AKAP12: variants seen among roughly 807,000 people sequenced by gnomAD.
AKAP12 encodes A-kinase anchor protein 12.
In AKAP12, 32 loss-of-function variants were observed where a neutral mutation model predicts 79.9. The ratio of observed to expected loss-of-function variants is 0.40; its 90% CI spans 0.30 to 0.54. The LOEUF (loss-of-function observed/expected upper bound fraction) is 0.54, where lower values mean the gene tolerates loss of function less well. AKAP12 is among the 20% of genes least tolerant of loss of function. The pLI is 0.48. For missense variants in AKAP12, 2,074 were observed against 2,177.0 expected, an observed-to-expected ratio of 0.95 and a Z score of 0.94; for synonymous variants, 808 against 857.0, an observed-to-expected ratio of 0.94 and a Z score of 1.00.
intron 3 of AKAP12, among the ~76,000 whole-genome samples, chr6:151,339,195 C>A (rs1024740578): frequency 6.6e-6 from 1 of 152,168 alleles, no homozygotes; most frequent in Non-Finnish European, 1.5e-5. Flanking sequence ...CTTGTTCTTG[C>A]CATAAGTGGC....
chr6:151,298,600 C>T (rs1214675975), intron 2 of AKAP12, among the ~76,000 whole-genome samples: 1 of 151,990 alleles, frequency 6.6e-6, no homozygotes, highest in Admixed American at 6.6e-5. Flanking sequence ...TCGAGACCAA[C>T]CTGACCAACA....
chr6:151,248,425 C>T (rs1382180468), intron 2 of AKAP12, among the ~76,000 whole-genome samples: 1 of 152,008 alleles, frequency 6.6e-6, no homozygotes, highest in Non-Finnish European at 1.5e-5. Flanking sequence ...AAATGCTCAT[C>T]AGATATTCTA....
chr6:151,341,874 G>A (rs1193633844), intron 3 of AKAP12: 26 of 1,100,818 alleles, frequency 2.4e-5, no homozygotes, highest in Middle Eastern at 2.4e-4. Context: ...GACAGGTCGG[G>A]AAGGGCCTGC....
chr6:151,321,074 C>T (rs1777371310), intron 3 of AKAP12, among the ~76,000 whole-genome samples: 1 of 151,850 alleles, frequency 6.6e-6, no homozygotes, highest in South Asian at 2.1e-4. Flanking sequence ...GCAACCTTCA[C>T]CTCCTGGGTT....
At chr6:151,313,343 A>G (rs955895345) in intron 3 of AKAP12, among the ~76,000 whole-genome samples, 1 of 152,248 alleles carries the variant, frequency 6.6e-6, no homozygotes. Flanking sequence ...ATATTATTGC[A>G]TGACATTTTC....
At chr6:151,341,214 G>A (rs986502009) in intron 3 of AKAP12, among the ~76,000 whole-genome samples, 2 of 152,014 alleles carry the variant, frequency 1.3e-5, no homozygotes, top group African/African-American at 4.8e-5. Context: ...ACCACGCCCG[G>A]CTAATTTGTT....
At chr6:151,304,520 G>A (rs965364582) in intron 2 of AKAP12, among the ~76,000 whole-genome samples, 84 of 74,532 alleles carry the variant, frequency 1.1e-3, no homozygotes, top group South Asian at 0.011. Flanking sequence ...AAAAAAAAAA[G>A]GATTATATGA....
At chr6:151,317,664 A>T (rs901730550) in intron 3 of AKAP12, among the ~76,000 whole-genome samples, 1 of 152,254 alleles carries the variant, frequency 6.6e-6, no homozygotes, top group African/African-American at 2.4e-5. Context: ...TGAGTCATTG[A>T]TACTGAAGTA....
At chr6:151,337,448 G>A (rs1777843611) in intron 3 of AKAP12, among the ~76,000 whole-genome samples, 1 of 149,980 alleles carries the variant, frequency 6.7e-6, no homozygotes, top group Admixed American at 6.7e-5. Flanking sequence ...CCAGGAGGCG[G>A]AGGTTGCAGT....
At chr6:151,271,623 G>A (rs916931182) in intron 2 of AKAP12, among the ~76,000 whole-genome samples, 2 of 147,902 alleles carry the variant, frequency 1.4e-5, no homozygotes, top group Admixed American at 6.8e-5. Context: ...CACGCCCCCA[G>A]CCCACAACTG....
chr6:151,306,906 A>C (rs1221704284), intron 3 of AKAP12, among the ~76,000 whole-genome samples: 1 of 152,244 alleles, frequency 6.6e-6, no homozygotes, highest in African/African-American at 2.4e-5. Flanking sequence ...GAATGGACCC[A>C]ACTCAAATTC....
chr6:151,357,180 TTTTG>T lies in AKAP12; in HGVS notation c.*1486_*1489del, dbSNP rs71676710. ...ATGCTAATACATTGAGGGTTTGTTTTTTTGTTTGTTTGTTTGTTTGTTTTTGAGA... is the reference window on the plus strand; with the variant it reads ...ATGCTAATACATTGAGGGTTTGTTTTTTTGTTTGTTTGTTTGTTTTTGAGA... On this transcript the variant is annotated 3_prime_UTR_variant, in exon 5 of 5. Transcript: ENST00000402676. The T allele has an allele frequency of 0.62, 95,608 of 153,014 alleles. 30,316 individuals carry two copies. Among genetic ancestry groups the T allele is most frequent in the Non-Finnish European group, 0.67 (46,201 of 69,188 alleles). The allele number at this position is 153,014 out of a possible 1,614,324, so 9.5% of individuals were successfully genotyped here.
chr6:151,320,651 C>T (rs565121692), intron 3 of AKAP12, among the ~76,000 whole-genome samples: 9 of 152,204 alleles, frequency 5.9e-5, no homozygotes, highest in South Asian at 2.1e-4. Flanking sequence ...TTGTGGGCAC[C>T]GTGACTTTGG....
At position 151,358,240 on chromosome 6, in the gene AKAP12, T is replaced by C. The variant is rs919659958; in HGVS notation, c.*2526T>C. 6.6e-6 allele frequency: 1 copy of C among 152,236 alleles called. No individual in the cohort carries two copies. Among genetic ancestry groups the C allele is most frequent in the African/African-American group, 2.4e-5 (1 of 41,480 alleles). 9.4% of individuals were successfully genotyped at this position (152,236 alleles called of 1,614,324 possible). ...TATTTTTGGCATTACTACAGAGCCA[T>C]GTACAATAGAAAGCAATGCAAGACT... On this transcript the variant is annotated 3_prime_UTR_variant, in exon 5 of 5. Coordinates refer to ENST00000402676, the MANE Select transcript of AKAP12 (RefSeq NM_005100.4).
intron 2 of AKAP12, among the ~76,000 whole-genome samples, chr6:151,265,213 TC>T (rs1445899649): frequency 7.6e-6 from 1 of 130,764 alleles, no homozygotes; most frequent in East Asian, 3.4e-4. Context: ...AAATCAAGCC[TC>T]TTTTTTTTTT....
chr6:151,301,485 C>T lies in AKAP12; in HGVS notation c.163-4262C>T, dbSNP rs1037586538. ...AACTTATTGATAACTCTCAGAAGTCCGTGAATTTTTAACAACGGTATGACT... is the reference window on the plus strand; with the variant it reads ...AACTTATTGATAACTCTCAGAAGTCTGTGAATTTTTAACAACGGTATGACT... On this transcript the variant is annotated intron_variant, in intron 2 of 4. Coordinates refer to ENST00000402676, the MANE Select transcript of AKAP12 (RefSeq NM_005100.4). Among the ~76,000 whole-genome samples the T allele has an allele frequency of 3.2e-4, 48 of 152,028 alleles. 1 individual carries two copies. The highest frequency in any genetic ancestry group is 2.0e-3 in the Admixed American group (30 of 15,242).
chr6:151,341,400 CG>C (rs1420619260), intron 3 of AKAP12, among the ~76,000 whole-genome samples: 2 of 152,140 alleles, frequency 1.3e-5, no homozygotes, highest in Non-Finnish European at 2.9e-5. Context: ...AGTTCAGCGG[CG>C]GCTTGGCAGT....
intron 2 of AKAP12, among the ~76,000 whole-genome samples, chr6:151,270,406 G>T (rs542234297): frequency 1.9e-4 from 29 of 152,322 alleles, no homozygotes; most frequent in African/African-American, 5.5e-4. Context: ...TATATCCTAC[G>T]TTTTATTTAT....
At chr6:151,327,451 C>A (rs1562741127) in intron 3 of AKAP12, among the ~76,000 whole-genome samples, 1 of 152,164 alleles carries the variant, frequency 6.6e-6, no homozygotes, top group African/African-American at 2.4e-5. Context: ...ATTAACTTTT[C>A]TATGAATGAA....
Sources: allele counts gnomAD v4.1 joint callset (sites outside exome capture counted in the v4.1 genomes callset), GRCh38; gene constraint gnomAD v4.1.1; transcripts MANE v1.5; gene names NCBI Gene and HGNC (gene_info 2026-07-23, HGNC 2026-07-21).